CDH4: variants seen among roughly 807,000 people sequenced by gnomAD.
CDH4 encodes cadherin 4.
In CDH4, 33 loss-of-function variants were observed where a neutral mutation model predicts 86.0. The observed-to-expected ratio is 0.38, with a 90% CI of 0.29 to 0.51. The LOEUF (loss-of-function observed/expected upper bound fraction) is 0.51, where lower values mean the gene tolerates loss of function less well. CDH4 is among the 20% of genes least tolerant of loss of function. The pLI is 0.86. For missense variants in CDH4, 1,114 were observed against 1,307.4 expected (o/e 0.85, Z 2.28); for synonymous variants, 555 against 549.4 (o/e 1.01, Z -0.14).
rs139896730 is a variant in CDH4 at position 61,381,537 on chromosome 20, C to T, written c.169+126600C>T. ...ACATGTGACCCTTTCCCCATCCCTG[C>T]GTGCCTTCTCCCTTCTCAGGATGCC... On this transcript the variant is annotated intron_variant, in intron 2 of 15. Transcript: ENST00000614565. 1.4e-4 allele frequency among the ~76,000 whole-genome samples: 22 copies of T among 152,242 alleles called. No homozygotes were observed. In the East Asian group the frequency reaches 4.1e-3, roughly 28 times the overall value.
chr20:61,723,255 C>T (rs1360517126), intron 2 of CDH4, among the ~76,000 whole-genome samples: 1 of 152,206 alleles, frequency 6.6e-6, no homozygotes, highest in Admixed American at 6.5e-5. Context: ...GTGGTGGCTG[C>T]TCCCCTGCCC....
chr20:61,910,439 C>G lies in CDH4; in HGVS notation c.1206C>G (p.Pro402=). The G allele has an allele frequency of 6.2e-7, 1 of 1,613,368 alleles. No individual in the cohort carries two copies. Among genetic ancestry groups the G allele is most frequent in the Non-Finnish European group, 8.5e-7 (1 of 1,179,550 alleles). The change falls in exon 9 of 16, where the codon CCC becomes CCG. Residue 402 remains proline (P), a synonymous_variant. Coordinates refer to ENST00000614565, the MANE Select transcript of CDH4 (RefSeq NM_001794.5). ...TTTTGCAGTTTGCAGGGGAGGTCCC[C>G]GAAAACCGCGTGGAGACCGTGGTCG... ...FTASTFAGEV[P]ENRVETVVAN...
chr20:61,552,604 G>A (rs956811829), intron 2 of CDH4, among the ~76,000 whole-genome samples: 4 of 152,182 alleles, frequency 2.6e-5, no homozygotes, highest in South Asian at 2.1e-4. Context: ...GGAGGCTGAG[G>A]CAGGAGAATC....
rs551982126 is a variant in CDH4, at chr20:61,385,771, G to A, written c.169+130834G>A. On this transcript the variant is annotated intron_variant, in intron 2 of 15. Transcript: ENST00000614565. Reference sequence around the variant, plus strand: ...CAACGGGAATCACCATCTTCTCTTCGTGGGAGAAGCCGTACTCCCCTCCTG... The same window carrying A: ...CAACGGGAATCACCATCTTCTCTTCATGGGAGAAGCCGTACTCCCCTCCTG... Among the ~76,000 whole-genome samples the A allele has an allele frequency of 5.9e-5, 9 of 152,188 alleles. No individual in the cohort carries two copies. The South Asian group carries it at 8.3e-4, about 14-fold the overall frequency.
intron 9 of CDH4, among the ~76,000 whole-genome samples, chr20:61,921,148 A>ATGATTGCATGGAAGCGTGGTGTCACAG (rs1245361640): frequency 1.5e-4 from 20 of 131,954 alleles, no homozygotes; most frequent in South Asian, 2.6e-4. Flanking sequence ...GCGTGGTGTC[A>ATGATTGCATGGAAGCGTGGTGTCACAG]TGATTGCATG....
chr20:61,936,868 C>G lies in CDH4; in HGVS notation c.2676C>G (p.Asp892Glu), dbSNP rs1211640506. The change falls in exon 16 of 16, where the codon GAC (aspartate) becomes GAG (glutamate). Residue 892 changes from aspartate (D) to glutamate (E), a missense_variant. Transcript: ENST00000614565. ...ACTCATCCAGTTCCGGGGACCAAGA[C>G]TACGATTACCTCAACGACTGGGGGC... ...SLNSSSSGDQ[D>E]YDYLNDWGPR... 6.2e-7 allele frequency: 1 copy of G among 1,607,836 alleles called. No homozygotes were observed. Among genetic ancestry groups the G allele is most frequent in the Non-Finnish European group, 8.5e-7 (1 of 1,177,740 alleles).
chr20:61,850,711 G>A (rs1314932782), intron 5 of CDH4, among the ~76,000 whole-genome samples: 4 of 152,254 alleles, frequency 2.6e-5, no homozygotes, highest in East Asian at 1.9e-4. Flanking sequence ...CAGAACGCTC[G>A]GAGGACTCCT....
At chr20:61,386,999 C>T (rs1399493592) in intron 2 of CDH4, among the ~76,000 whole-genome samples, 1 of 152,254 alleles carries the variant, frequency 6.6e-6, no homozygotes, top group Non-Finnish European at 1.5e-5. Flanking sequence ...TACCAATTTT[C>T]CACGTCTCTG....
rs546523760 is a variant in CDH4 at position 61,934,926 on chromosome 20, T to C, written c.2544+706T>C. Among the ~76,000 whole-genome samples the C allele has an allele frequency of 3.3e-5, 5 of 152,364 alleles. No homozygotes were observed. The South Asian group carries it at 1.0e-3, about 32-fold the overall frequency. Reference sequence around the variant, plus strand: ...GAAACATTTGAAACATCGCTTACAATGTCGCCAGGGCAACACTCAGTTTCC... The same window carrying C: ...GAAACATTTGAAACATCGCTTACAACGTCGCCAGGGCAACACTCAGTTTCC... On this transcript the variant is annotated intron_variant, in intron 15 of 15. Coordinates refer to ENST00000614565, the MANE Select transcript of CDH4 (RefSeq NM_001794.5).
intron 2 of CDH4, among the ~76,000 whole-genome samples, chr20:61,691,522 A>T (rs1391985512): frequency 6.6e-6 from 1 of 152,132 alleles, no homozygotes; most frequent in Non-Finnish European, 1.5e-5. Context: ...GTACAGTCAC[A>T]CTTCACTTAA....
intron 4 of CDH4, among the ~76,000 whole-genome samples, chr20:61,841,532 G>T (rs777261756): frequency 3.2e-4 from 49 of 152,352 alleles, no homozygotes; most frequent in Non-Finnish European, 5.4e-4. Flanking sequence ...GCAGTAGAGG[G>T]AGGGGTGATT....
chr20:61,897,077 C>A (rs750021199), intron 8 of CDH4, among the ~76,000 whole-genome samples: 3 of 152,182 alleles, frequency 2.0e-5, no homozygotes, highest in Non-Finnish European at 4.4e-5. Flanking sequence ...CTGAGCCCCC[C>A]ACAGAATTCT....
intron 2 of CDH4, among the ~76,000 whole-genome samples, chr20:61,277,685 C>T (rs992429020): frequency 6.6e-6 from 1 of 152,172 alleles, no homozygotes; most frequent in Admixed American, 6.5e-5. Flanking sequence ...TTTATTAAGC[C>T]GTTATCAAAG....
rs566054086 is a variant in CDH4 at position 61,368,111 on chromosome 20, C to T, written c.169+113174C>T. Among the ~76,000 whole-genome samples, 28 of 152,184 alleles carry T rather than the reference C, an allele frequency of 1.8e-4. No individual in the cohort carries two copies. In the South Asian group the frequency reaches 4.8e-3, roughly 26 times the overall value. ...GTCTCAAAGTCCTGACCTCATGATC[C>T]GCCCGCCTCGGCCTCCCAAAGTGCT... is the stretch of plus-strand genomic sequence containing the variant. On this transcript the variant is annotated intron_variant, in intron 2 of 15. Coordinates refer to ENST00000614565, the MANE Select transcript of CDH4 (RefSeq NM_001794.5).
At chr20:61,868,216 C>T (rs926133135) in intron 6 of CDH4, among the ~76,000 whole-genome samples, 9 of 152,170 alleles carry the variant, frequency 5.9e-5, no homozygotes, top group African/African-American at 1.2e-4. Context: ...GGTTCGTCCA[C>T]GCCAGGACCC....
At chr20:61,825,460 C>G (rs1335700003) in intron 4 of CDH4, among the ~76,000 whole-genome samples, 1 of 152,156 alleles carries the variant, frequency 6.6e-6, no homozygotes, top group Non-Finnish European at 1.5e-5. Flanking sequence ...GTCTCTAGCT[C>G]TTGCCCCAAC....
At chr20:61,849,154 T>C (rs955984432) in intron 5 of CDH4, among the ~76,000 whole-genome samples, 4 of 151,916 alleles carry the variant, frequency 2.6e-5, no homozygotes, top group African/African-American at 9.7e-5. Context: ...CAAGTTCCAC[T>C]TGTAGCTAAT....
intron 2 of CDH4, among the ~76,000 whole-genome samples, chr20:61,490,165 A>G (rs778999844): frequency 2.6e-5 from 4 of 152,206 alleles, no homozygotes; most frequent in Non-Finnish European, 5.9e-5. Context: ...CATTCAAGAG[A>G]ATGGTCAAAG....
rs73134370 is a variant in CDH4, at chr20:61,393,455, A to T, written c.169+138518A>T. Among the ~76,000 whole-genome samples the T allele has an allele frequency of 7.9e-4, 120 of 152,250 alleles. 1 individual carries two copies. Among genetic ancestry groups the T allele is most frequent in the Non-Finnish European group, 1.2e-3 (81 of 67,992 alleles). On this transcript the variant is annotated intron_variant, in intron 2 of 15. Transcript: ENST00000614565. This position sits in a 1 kb window ranked among gnomAD's most constrained non-coding sequence, Gnocchi z 4.3. ...GGCAAAATTAAACCTGGATGCTTTGATCGCTGGCAGTAAGCGACACGCTGA... is the reference window on the plus strand; with the variant it reads ...GGCAAAATTAAACCTGGATGCTTTGTTCGCTGGCAGTAAGCGACACGCTGA...
Sources: allele counts gnomAD v4.1 joint callset (sites outside exome capture counted in the v4.1 genomes callset), GRCh38; gene constraint gnomAD v4.1.1; non-coding constraint Gnocchi (gnomAD v3.1); transcripts MANE v1.5; gene names NCBI Gene and HGNC (gene_info 2026-07-23, HGNC 2026-07-21).